Variants in URM1 observed in about 807,000 individuals in gnomAD.
URM1 encodes the protein ubiquitin-related modifier 1.
A neutral mutation model predicts 17.7 loss-of-function variants in URM1; 11 were observed. The ratio of observed to expected loss-of-function variants is 0.62; its 90% CI spans 0.39 to 1.03. The LOEUF (loss-of-function observed/expected upper bound fraction) is 1.03, where lower values mean the gene tolerates loss of function less well. Among genes scored for constraint, URM1 ranks in the 50% least tolerant of loss-of-function variants. The pLI, the probability that URM1 is intolerant of heterozygous loss-of-function variation, is 0.00. For synonymous variants in URM1, 48 were observed against 50.6 expected (o/e 0.95, Z 0.22); for missense variants, 128 against 129.2 (o/e 0.99, Z 0.04).
intron 2 of URM1, among the ~76,000 whole-genome samples, chr9:128,382,442 A>T (rs1476689762): frequency 6.6e-6 from 1 of 152,156 alleles, no homozygotes; most frequent in Non-Finnish European, 1.5e-5. Context: ...CACTTGGCCA[A>T]GCGAGTCTTG....
chr9:128,389,464 G>T, intron 4 of URM1, 155 bp downstream of exon 4: 2 of 1,568,346 alleles, frequency 1.3e-6, no homozygotes, highest in Non-Finnish European at 1.7e-6. Context: ...CCCACTCCAG[G>T]TGAGGAAGGG....
intron 3 of URM1, chr9:128,389,050 A>C: frequency 7.4e-7 from 1 of 1,354,138 alleles, no homozygotes; most frequent in Non-Finnish European, 9.5e-7. Context: ...ATTTGCACCC[A>C]TTTTCCATCT....
At chr9:128,385,157 G>A (rs766457684) in intron 2 of URM1, among the ~76,000 whole-genome samples, 1 of 152,074 alleles carries the variant, frequency 6.6e-6, no homozygotes, top group Non-Finnish European at 1.5e-5. Flanking sequence ...TACCTTCTCT[G>A]TTCTGCTGCC....
At chr9:128,374,044 A>C (rs1833046043) in intron 1 of URM1, among the ~76,000 whole-genome samples, 1 of 152,104 alleles carries the variant, frequency 6.6e-6, no homozygotes, top group Non-Finnish European at 1.5e-5. Flanking sequence ...GGGGGGGTTG[A>C]AGGAAGATGG....
chr9:128,383,268 T>A (rs1301097647), intron 2 of URM1, among the ~76,000 whole-genome samples: 2 of 152,042 alleles, frequency 1.3e-5, no homozygotes, highest in Non-Finnish European at 1.5e-5. Flanking sequence ...CCCTCGCACA[T>A]CTGTAAACCT....
intron 2 of URM1, among the ~76,000 whole-genome samples, chr9:128,378,531 A>C (rs1265953145): frequency 1.4e-5 from 2 of 140,538 alleles, no homozygotes; most frequent in Non-Finnish European, 3.1e-5. Context: ...CGACAAAGCA[A>C]GACTCCATCT....
Position 128,389,794 on chromosome 9 carries a change from T to C in URM1, c.*60T>C, listed in dbSNP as rs1833282199. 3.1e-6 allele frequency: 5 copies of C among 1,607,710 alleles called. No homozygotes were observed. Among genetic ancestry groups the C allele is most frequent in the African/African-American group, 1.3e-5 (1 of 74,756 alleles). ...GAGAACGAAGCAATCAGACATCCCC[T>C]TGGGCCCTGCTTCCAGGTCTCCCTG... On this transcript the variant is annotated 3_prime_UTR_variant, in exon 5 of 5. Coordinates refer to ENST00000372853, the MANE Select transcript of URM1 (RefSeq NM_030914.4).
chr9:128,378,559 A>AC (rs1388278073), intron 2 of URM1, among the ~76,000 whole-genome samples: 3 of 146,292 alleles, frequency 2.1e-5, no homozygotes, highest in African/African-American at 5.4e-5. Context: ...AAAAAAAAAA[A>AC]AAAAAAAAAA....
chr9:128,383,052 G>A (rs1180458264), intron 2 of URM1, among the ~76,000 whole-genome samples: 1 of 152,082 alleles, frequency 6.6e-6, no homozygotes, highest in Non-Finnish European at 1.5e-5. Context: ...GTGAGGGAGG[G>A]CAGGAGCTGC....
At chr9:128,384,520 G>A (rs1056921498) in intron 2 of URM1, among the ~76,000 whole-genome samples, 6 of 152,108 alleles carry the variant, frequency 3.9e-5, no homozygotes, top group Non-Finnish European at 5.9e-5. Context: ...GGGAAGATAC[G>A]GGATGCCACA....
At chr9:128,382,878 C>T (rs1245898045) in intron 2 of URM1, among the ~76,000 whole-genome samples, 2 of 152,164 alleles carry the variant, frequency 1.3e-5, no homozygotes, top group African/African-American at 2.4e-5. Flanking sequence ...TAGGGTATTG[C>T]GGCTGCTGGG....
rs553964668 is a variant in URM1, at chr9:128,378,896, G to A, written c.106+790G>A. Among the ~76,000 whole-genome samples, 57 of 147,920 alleles carry A rather than the reference G, an allele frequency of 3.9e-4. No homozygotes were observed. In the South Asian group the frequency reaches 6.6e-3, roughly 17 times the overall value. On this transcript the variant is annotated intron_variant, in intron 2 of 4. Transcript: ENST00000372853. ...TGGGAGGCAGAGGTTTCAGTGAGCC[G>A]AGATCGTGCCACTGCACTCCAGCCT...
At chr9:128,382,167 C>T (rs1254227848) in intron 2 of URM1, among the ~76,000 whole-genome samples, 3 of 152,028 alleles carry the variant, frequency 2.0e-5, no homozygotes, top group African/African-American at 7.2e-5. Flanking sequence ...GCACAATGGC[C>T]CACTTAGTCT....
intron 2 of URM1, among the ~76,000 whole-genome samples, chr9:128,379,795 A>G (rs998932704): frequency 1.2e-4 from 18 of 151,434 alleles, no homozygotes; most frequent in African/African-American, 4.4e-4. Flanking sequence ...GCGAGACTCC[A>G]TCTCAAAAAA....
At chr9:128,383,970 C>T (rs1484820591) in intron 2 of URM1, among the ~76,000 whole-genome samples, 1 of 152,182 alleles carries the variant, frequency 6.6e-6, no homozygotes, top group Non-Finnish European at 1.5e-5. Flanking sequence ...TCTGAAGTCA[C>T]TGTGGGCTTA....
intron 1 of URM1, among the ~76,000 whole-genome samples, chr9:128,376,418 G>A (rs915732622): frequency 2.6e-5 from 4 of 151,308 alleles, no homozygotes; most frequent in East Asian, 3.9e-4. Flanking sequence ...CCAACACTTC[G>A]GGAGGCTGAG....
intron 2 of URM1, among the ~76,000 whole-genome samples, chr9:128,382,537 AG>A (rs1023636730): frequency 3.9e-5 from 6 of 152,322 alleles, no homozygotes; most frequent in African/African-American, 1.4e-4. Context: ...CTCCTAGGCC[AG>A]GGGAGAGCTT....
intron 3 of URM1, 155 bp from the exon 4 acceptor site, chr9:128,389,106 G>T: frequency 6.9e-7 from 1 of 1,444,718 alleles, no homozygotes; most frequent in South Asian, 1.5e-5. Flanking sequence ...TTCACACTCA[G>T]ACCAGCCTCC....
intron 4 of URM1, 156 bp from the exon 5 acceptor site, chr9:128,389,510 C>T: frequency 6.5e-7 from 1 of 1,549,220 alleles, no homozygotes; most frequent in Non-Finnish European, 8.7e-7. Flanking sequence ...CTCCTCCATC[C>T]TGAAGATTTG....
Sources: allele counts gnomAD v4.1 joint callset (sites outside exome capture counted in the v4.1 genomes callset), GRCh38; gene constraint gnomAD v4.1.1; transcripts MANE v1.5; gene names NCBI Gene and HGNC (gene_info 2026-07-23, HGNC 2026-07-21).